JPH3: variants seen among roughly 807,000 people sequenced by gnomAD.
JPH3 encodes junctophilin 3.
JPH3 carries 11 observed loss-of-function variants against 59.6 expected under a neutral mutation model. The observed-to-expected ratio is 0.18, with a 90% CI of 0.12 to 0.31. The LOEUF (loss-of-function observed/expected upper bound fraction) is 0.31, where lower values mean the gene tolerates loss of function less well. Ranked by LOEUF, JPH3 falls within the 10% of genes least tolerant of loss-of-function variation. The pLI, the probability that JPH3 is intolerant of heterozygous loss-of-function variation, is 1.00. For synonymous variants in JPH3, 673 were observed against 483.6 expected (o/e 1.39, Z -5.14); for missense variants, 1,202 against 1,105.7 (o/e 1.09, Z -1.24).
At chr16:87,640,449 G>A (rs78677451) in intron 1 of JPH3, among the ~76,000 whole-genome samples, 28,469 of 151,446 alleles carry the variant, frequency 0.19, 3,144 homozygotes, top group East Asian at 0.38. Flanking sequence ...GGAGTGCAGT[G>A]GCATGATCTG....
intron 1 of JPH3, among the ~76,000 whole-genome samples, chr16:87,619,315 G>GA (rs547047794): frequency 0.94 from 131,895 of 140,612 alleles, 61,830 homozygotes; most frequent in East Asian, 0.99. Context: ...CCTGTCTTAA[G>GA]AAAAAAAAAA....
chr16:87,652,666 C>A (rs1323292640), intron 2 of JPH3, among the ~76,000 whole-genome samples: 1 of 152,208 alleles, frequency 6.6e-6, no homozygotes, highest in Non-Finnish European at 1.5e-5. Flanking sequence ...TCCTGGAGGC[C>A]AGGCAGGTGC....
At chr16:87,688,836 C>T (rs1030515851) in intron 3 of JPH3, among the ~76,000 whole-genome samples, 17 of 152,340 alleles carry the variant, frequency 1.1e-4, no homozygotes, top group Admixed American at 1.0e-3. Flanking sequence ...TCGGGCATGG[C>T]TCCCGTGTCC....
chr16:87,644,189 C>G, intron 1 of JPH3, 69 bp from the exon 2 acceptor site: 1 of 1,489,954 alleles, frequency 6.7e-7, no homozygotes, highest in Admixed American at 2.0e-5. Context: ...TGCTTCAACC[C>G]TGTCCGTGGC....
At chr16:87,662,290 C>T (rs937836686) in intron 2 of JPH3, among the ~76,000 whole-genome samples, 2 of 152,120 alleles carry the variant, frequency 1.3e-5, no homozygotes, top group South Asian at 2.1e-4. Flanking sequence ...ACCCGGTGTA[C>T]TCTGTCGATG....
intron 2 of JPH3, among the ~76,000 whole-genome samples, chr16:87,646,382 C>T (rs2032151275): frequency 6.6e-6 from 1 of 152,176 alleles, no homozygotes; most frequent in African/African-American, 2.4e-5. Context: ...TACCTGACAC[C>T]GAGGTCCAAA....
At chr16:87,647,169 A>C (rs1176682559) in intron 2 of JPH3, among the ~76,000 whole-genome samples, 1 of 150,004 alleles carries the variant, frequency 6.7e-6, no homozygotes, top group East Asian at 2.0e-4. Flanking sequence ...GCTGGGGGAG[A>C]TGCCTACGTA....
chr16:87,612,872 A>G (rs1331204228), intron 1 of JPH3, among the ~76,000 whole-genome samples: 2 of 151,548 alleles, frequency 1.3e-5, no homozygotes, highest in African/African-American at 4.8e-5. Flanking sequence ...CAAAAAAAAT[A>G]TTAGCTGGGC....
At position 87,678,775 on chromosome 16, in the gene JPH3, G is replaced by T. The variant is rs566516974; in HGVS notation, c.1161-5367G>T. ...AGAGTGCCCTCGTGAGGCAGAAGAG[G>T]AGAGAGACACGTGCCGGAGAAGGCC... is the stretch of plus-strand genomic sequence containing the variant. On this transcript the variant is annotated intron_variant, in intron 2 of 4. Coordinates refer to ENST00000284262, the MANE Select transcript of JPH3 (RefSeq NM_020655.4). Among the ~76,000 whole-genome samples the T allele has an allele frequency of 7.9e-5, 12 of 152,276 alleles. No homozygotes were observed. In the South Asian group the frequency reaches 2.5e-3, roughly 32 times the overall value.
intron 3 of JPH3, 47 bp from the exon 4 acceptor site, chr16:87,689,599 A>G: frequency 6.3e-7 from 1 of 1,591,978 alleles, no homozygotes; most frequent in Non-Finnish European, 8.6e-7. Context: ...CTCGCTGTGG[A>G]ATGTGCTGGG....
intron 2 of JPH3, among the ~76,000 whole-genome samples, chr16:87,663,328 A>C (rs1426355717): frequency 6.6e-6 from 1 of 152,076 alleles, no homozygotes; most frequent in Non-Finnish European, 1.5e-5. Flanking sequence ...GGCTGGTCTC[A>C]AACTCCTGAC....
Position 87,659,374 on chromosome 16 carries a change from C to CGGAA in JPH3, c.1160+14339_1160+14340insGGAA, listed in dbSNP as rs1362136229. Among the ~76,000 whole-genome samples the CGGAA allele has an allele frequency of 1.2e-4, 9 of 74,546 alleles. 1 individual carries two copies. The highest frequency in any genetic ancestry group is 4.3e-4 in the Admixed American group (3 of 6,998). 48.9% of individuals were successfully genotyped at this position (74,546 alleles called of 152,430 possible). ...CCTGGGTGACAGAGTAAGACTGTCT[C>CGGAA]AAAAAAAAAAAAGAAAAAAAAAAAG... On this transcript the variant is annotated intron_variant, in intron 2 of 4. Coordinates refer to ENST00000284262, the MANE Select transcript of JPH3 (RefSeq NM_020655.4).
intron 2 of JPH3, among the ~76,000 whole-genome samples, chr16:87,664,122 C>G (rs148593415): frequency 0.018 from 2,737 of 151,786 alleles, 87 homozygotes; most frequent in African/African-American, 0.062. Context: ...ACGAGGTCAG[C>G]AGATTGATAG....
Position 87,620,077 on chromosome 16 carries a change from C to T in JPH3, c.382+16549C>T, listed in dbSNP as rs911732140. On this transcript the variant is annotated intron_variant, in intron 1 of 4. Transcript: ENST00000284262. ...AAGAAAAACAAGAGCCGGAGGTAAA[C>T]CCCTTGGGAAACAGAGGTCCCAGCC... 2.0e-5 allele frequency among the ~76,000 whole-genome samples: 3 copies of T among 152,246 alleles called. No homozygotes were observed. The South Asian group carries it at 6.2e-4, about 32-fold the overall frequency.
chr16:87,634,473 C>T (rs1391641342), intron 1 of JPH3, among the ~76,000 whole-genome samples: 1 of 152,204 alleles, frequency 6.6e-6, no homozygotes, highest in African/African-American at 2.4e-5. Flanking sequence ...GGCCGCCTTC[C>T]CAGTGGTGCC....
At chr16:87,667,263 C>T (rs753218558) in intron 2 of JPH3, among the ~76,000 whole-genome samples, 1 of 152,218 alleles carries the variant, frequency 6.6e-6, no homozygotes, top group Non-Finnish European at 1.5e-5. Context: ...GCCCTCTTCT[C>T]AAGAGCCGTA....
chr16:87,680,007 G>C (rs1356334021), intron 2 of JPH3, among the ~76,000 whole-genome samples: 2 of 152,234 alleles, frequency 1.3e-5, no homozygotes, highest in African/African-American at 4.8e-5. Flanking sequence ...CTCTAAGCCT[G>C]GGTCTTCCTC....
chr16:87,647,896 C>T (rs979845062), intron 2 of JPH3, among the ~76,000 whole-genome samples: 4 of 152,220 alleles, frequency 2.6e-5, no homozygotes, highest in Non-Finnish European at 5.9e-5. Flanking sequence ...GCCTCTGAGA[C>T]CCGCAGACCC....
Position 87,671,030 on chromosome 16 carries a change from C to T in JPH3, c.1161-13112C>T, listed in dbSNP as rs560354095. Among the ~76,000 whole-genome samples, 107 of 152,274 alleles carry T rather than the reference C, an allele frequency of 7.0e-4. 1 individual carries two copies. The highest frequency in any genetic ancestry group is 2.4e-3 in the African/African-American group (100 of 41,544). On this transcript the variant is annotated intron_variant, in intron 2 of 4. Coordinates refer to ENST00000284262, the MANE Select transcript of JPH3 (RefSeq NM_020655.4). ...GGGCTGGAATCCTGGGGCTGTGGCC[C>T]GTACAGTCGCCCGGGACCCATGCCC...
Sources: allele counts gnomAD v4.1 joint callset (sites outside exome capture counted in the v4.1 genomes callset), GRCh38; gene constraint gnomAD v4.1.1; transcripts MANE v1.5; gene names NCBI Gene and HGNC (gene_info 2026-07-23, HGNC 2026-07-21).